The following TIMP4 variants were observed in gnomAD, a reference collection of about 807,000 sequenced individuals.
The protein encoded by TIMP4 is TIMP metallopeptidase inhibitor 4, also known as metalloproteinase inhibitor 4.
A neutral mutation model predicts 27.3 loss-of-function variants in TIMP4; 28 were observed. The observed-to-expected ratio is 1.03, with a 90% CI of 0.76 to 1.41. The LOEUF is 1.41. Among genes scored for constraint, TIMP4 ranks in the 40% most tolerant of loss-of-function variants. The probability of loss-of-function intolerance (pLI) is 0.00; values close to 1 mark genes in which losing one functional copy is unlikely to be tolerated. For synonymous variants in TIMP4, 138 were observed against 115.5 expected, an observed-to-expected ratio of 1.20 and a Z score of -1.25; for missense variants, 307 against 285.5, an observed-to-expected ratio of 1.08 and a Z score of -0.54.
intron 3 of TIMP4, 108 bp from the exon 4 acceptor site, chr3:12,154,559 T>A: frequency 8.1e-7 from 1 of 1,242,176 alleles, no homozygotes; most frequent in Non-Finnish European, 1.1e-6. Flanking sequence ...ATGACTTTGG[T>A]GGCAGTGGTG....
At chr3:12,156,065 C>T (rs1298717488) in intron 3 of TIMP4, among the ~76,000 whole-genome samples, 1 of 152,242 alleles carries the variant, frequency 6.6e-6, no homozygotes, top group African/African-American at 2.4e-5. Context: ...TACTGAATCT[C>T]CACTCTCCTG....
At chr3:12,157,042 A>C in intron 2 of TIMP4, 108 bp from the exon 3 acceptor site, 1 of 794,276 alleles carries the variant, frequency 1.3e-6, no homozygotes, top group South Asian at 1.9e-5. Flanking sequence ...GCAAAAGTCT[A>C]GTTGAGGATT....
chr3:12,156,746 C>A, intron 3 of TIMP4, 74 bp downstream of exon 3: 1 of 1,239,640 alleles, frequency 8.1e-7, no homozygotes, highest in Non-Finnish European at 1.2e-6. Context: ...AAGGAAGACC[C>A]TGGCTCCTTT....
intron 1 of TIMP4, among the ~76,000 whole-genome samples, chr3:12,158,332 G>C (rs961559458): frequency 3.3e-5 from 5 of 152,210 alleles, no homozygotes; most frequent in Admixed American, 6.5e-5. Context: ...GGCCTGGACA[G>C]ACACGGGTAG....
At chr3:12,158,094 GAAC>G (rs1322707305) in intron 1 of TIMP4, among the ~76,000 whole-genome samples, 1 of 152,082 alleles carries the variant, frequency 6.6e-6, no homozygotes, top group African/African-American at 2.4e-5. Context: ...CACGTGTAAA[GAAC>G]AACAGCACAG....
chr3:12,157,545 G>C, intron 1 of TIMP4, 63 bp from the exon 2 acceptor site: 1 of 1,501,916 alleles, frequency 6.7e-7, no homozygotes, highest in Non-Finnish European at 9.2e-7. Context: ...CCTGAGGTCT[G>C]GATGATCCAG....
Position 12,154,349 on chromosome 3 carries a change from T to C in TIMP4, c.455A>G (p.Tyr152Cys), listed in dbSNP as rs767664307. 1 of 1,614,162 alleles carries C rather than the reference T, an allele frequency of 6.2e-7. No individual in the cohort carries two copies. The highest frequency in any genetic ancestry group is 1.3e-5 in the African/African-American group (1 of 75,022). The stretch of plus-strand genomic sequence containing the variant: ...TACTTGGCAGCCACAGTTCAGATGG[T>C]AGTGATGATTCAGACTTTCCCTCTG... Reference protein sequence around the residue: ...LVQRESLNHHYHLNCGCQITT... With the variant: ...LVQRESLNHHCHLNCGCQITT... Residue 152 changes from tyrosine (Y) to cysteine (C), a missense_variant, in exon 4 of 5, where the codon TAC becomes TGC. Transcript: ENST00000287814.
intron 3 of TIMP4, among the ~76,000 whole-genome samples, chr3:12,155,599 G>C (rs998449294): frequency 3.3e-5 from 5 of 152,146 alleles, no homozygotes; most frequent in Non-Finnish European, 5.9e-5. Context: ...AGCTAGAGAG[G>C]GCAGCAGTGT....
Position 12,153,724 on chromosome 3 carries a change from G to A in TIMP4, c.478-12C>T. 1.9e-6 allele frequency: 3 copies of A among 1,614,100 alleles called. No homozygotes were observed. The highest frequency in any genetic ancestry group is 2.5e-6 in the Non-Finnish European group (3 of 1,179,962). ...TAGCAGGTGGTGATCTAGAGTCATG[G>A]CCACACAACATTAAAGTGAGTAGGG... On this transcript the variant is annotated splice_polypyrimidine_tract_variant and intron_variant, in intron 4 of 4. Transcript: ENST00000287814.
In TIMP4 at chr3:12,158,829, G is replaced by T. The variant is rs747694894; in HGVS notation, c.12C>A (p.Ser4Arg). 135 of 1,589,522 alleles carry T rather than the reference G, an allele frequency of 8.5e-5. No individual in the cohort carries two copies. The highest frequency in any genetic ancestry group is 1.0e-4 in the Non-Finnish European group (123 of 1,172,430). Reference sequence around the variant, plus strand: ...GCACCCAGCTTGGCGCGGGCCGAGGGCTCCCAGGCATGACACTGCAGATCC... The same window carrying T: ...GCACCCAGCTTGGCGCGGGCCGAGGTCTCCCAGGCATGACACTGCAGATCC... MPG[S>R]PRPAPSWVLL... The change falls in exon 1 of 5, where the codon AGC (serine) becomes AGA (arginine). Residue 4 changes from serine to arginine, a missense_variant. Transcript: ENST00000287814.
intron 3 of TIMP4, among the ~76,000 whole-genome samples, chr3:12,156,180 C>A (rs1253508037): frequency 6.6e-6 from 1 of 152,150 alleles, no homozygotes; most frequent in Non-Finnish European, 1.5e-5. Flanking sequence ...TTTTTCTTTC[C>A]CTTGCTTTCT....
In TIMP4 at chr3:12,154,423, G is replaced by A; in HGVS notation, c.381C>T (p.Phe127=). Residue 127 remains phenylalanine, a synonymous_variant, in exon 4 of 5, where the codon TTC becomes TTT. Coordinates refer to ENST00000287814, the MANE Select transcript of TIMP4 (RefSeq NM_003256.4). The part of the protein sequence containing the change: ...TGQVLSDGKV[F]IHLCNYIEPW... ...GCTCGATGTAGTTGCACAGATGGAT[G>A]AAGACTTTTCCATCACTGAGGACCT... 6.2e-7 allele frequency: 1 copy of A among 1,614,112 alleles called. No homozygotes were observed.
Position 12,156,770 on chromosome 3 carries a change from C to T in TIMP4, c.352+50G>A, listed in dbSNP as rs1469497637. 5 of 1,495,066 alleles carry T rather than the reference C, an allele frequency of 3.3e-6. No individual in the cohort carries two copies. The African/African-American group carries it at 6.9e-5, about 21-fold the overall frequency. The allele number at this position is 1,495,066 out of a possible 1,614,324, so 92.6% of individuals were successfully genotyped here. A position where few individuals can be genotyped will look rare whatever the true frequency, so the allele number is the denominator to read the frequency against. On this transcript the variant is annotated intron_variant, in intron 3 of 4. Transcript: ENST00000287814. ...CCTGGCTCCTTTCTCACTACCTCCC[C>T]TAGGGCAGAATCTATTATATTAAGG...
Position 12,153,560 on chromosome 3 carries a change from G to T in TIMP4, c.630C>A (p.Gly210=), listed in dbSNP as rs1342387813. Residue 210 remains glycine (G), a synonymous_variant, in exon 5 of 5, where the codon GGC becomes GGA. Transcript: ENST00000287814. ...CAAACTCCTTCCTGAGAGGCAGGTG[G>T]CCCCGGTACCAGCTGCAGGTGCCGT... ...HVDGTCSWYR[G]HLPLRKEFVD... The T allele has an allele frequency of 6.2e-7, 1 of 1,613,938 alleles. No homozygotes were observed. Among genetic ancestry groups the T allele is most frequent in the Non-Finnish European group, 8.5e-7 (1 of 1,180,026 alleles).
intron 3 of TIMP4, among the ~76,000 whole-genome samples, chr3:12,155,670 TG>T (rs1327667063): frequency 1.3e-5 from 2 of 152,354 alleles, no homozygotes; most frequent in East Asian, 3.9e-4. Flanking sequence ...CTGTAGGACC[TG>T]GGCACCATTG....
intron 2 of TIMP4, 81 bp from the exon 3 acceptor site, chr3:12,157,015 T>G: frequency 9.8e-7 from 1 of 1,020,114 alleles, no homozygotes; most frequent in South Asian, 1.5e-5. Flanking sequence ...CTCTCACTTC[T>G]CAGCCTAAAA....
At position 12,158,875 on chromosome 3, in the gene TIMP4, TG is replaced by T; in HGVS notation, c.-36del. ...GATCCGCGACTGAGCCTGTGAGGTC[TG>T]GGGGACTGGACGGCCCCAGCAGGGC... On this transcript the variant is annotated 5_prime_UTR_variant, in exon 1 of 5. Coordinates refer to ENST00000287814, the MANE Select transcript of TIMP4 (RefSeq NM_003256.4). 6.6e-7 allele frequency: 1 copy of T among 1,516,058 alleles called. No homozygotes were observed. The allele number at this position is 1,516,058 out of a possible 1,614,324, so 93.9% of individuals were successfully genotyped here.
intron 2 of TIMP4, 30 bp from the exon 3 acceptor site, chr3:12,156,964 T>G: frequency 6.6e-7 from 1 of 1,523,450 alleles, no homozygotes; most frequent in Non-Finnish European, 9.1e-7. Flanking sequence ...AAAGGCAATA[T>G]TGGGTCAGTG....
Sources: gnomAD v4.1 joint callset for allele counts (sites outside exome capture counted in the v4.1 genomes callset) on GRCh38, gnomAD v4.1.1 for gene constraint, MANE v1.5 for transcripts, NCBI Gene and HGNC (gene_info 2026-07-23, HGNC 2026-07-21) for gene names.